Variants in PALM2AKAP2 observed in about 807,000 individuals in gnomAD.
PALM2AKAP2 encodes PALM2 and AKAP2 fusion.
PALM2AKAP2 carries 37 observed loss-of-function variants against 71.5 expected under a neutral mutation model. The observed-to-expected ratio is 0.52, with a 90% CI of 0.40 to 0.68. The LOEUF (loss-of-function observed/expected upper bound fraction) is 0.68. Among genes scored for constraint, PALM2AKAP2 ranks in the 30% least tolerant of loss-of-function variants. PALM2AKAP2 has a pLI of 0.00. For synonymous variants in PALM2AKAP2, 468 were observed against 478.8 expected, an observed-to-expected ratio of 0.98 and a Z score of 0.29; for missense variants, 1,224 against 1,191.8, an observed-to-expected ratio of 1.03 and a Z score of -0.40.
rs774321461 is a variant in PALM2AKAP2 at position 109,880,537 on chromosome 9, C to T, written c.127-14C>T. On this transcript the variant is annotated splice_polypyrimidine_tract_variant and intron_variant, in intron 2 of 9. Coordinates refer to the PALM2AKAP2 transcript ENST00000302798. ...AAGTATCATCTTGTCTGTTGTCTTC[C>T]CTCACTTCCACAGTCCAAAGTGCTT... 6.2e-6 allele frequency: 10 copies of T among 1,611,856 alleles called. No individual in the cohort carries two copies. The South Asian group carries it at 9.9e-5, about 16-fold the overall frequency.
intron 3 of PALM2AKAP2, 64 bp downstream of exon 3, chr9:109,880,745 C>T (rs1462573056): frequency 3.2e-6 from 5 of 1,570,962 alleles, no homozygotes; most frequent in Admixed American, 1.8e-5. Context: ...CACTGCTCTC[C>T]TCTAGGTGGC....
intron 6 of PALM2AKAP2, among the ~76,000 whole-genome samples, chr9:109,951,461 C>G (rs923338932): frequency 2.0e-5 from 3 of 152,226 alleles, no homozygotes; most frequent in Non-Finnish European, 4.4e-5. Flanking sequence ...AATAAACTGC[C>G]TTTTCACTGC....
intron 2 of PALM2AKAP2, among the ~76,000 whole-genome samples, chr9:110,142,106 C>G: frequency 7.6e-6 from 1 of 131,510 alleles, no homozygotes; most frequent in South Asian, 2.4e-4. Context: ...GAGTCTTGCT[C>G]TGTCTCCCAG....
At chr9:110,083,995 C>T (rs1457922059) in intron 1 of PALM2AKAP2, among the ~76,000 whole-genome samples, 1 of 152,168 alleles carries the variant, frequency 6.6e-6, no homozygotes, top group African/African-American at 2.4e-5. Flanking sequence ...TTCTAGATGC[C>T]TAGGGCGGGA....
intron 1 of PALM2AKAP2, among the ~76,000 whole-genome samples, chr9:109,803,869 T>C (rs1413392631): frequency 1.3e-5 from 2 of 152,206 alleles, no homozygotes; most frequent in African/African-American, 4.8e-5. Context: ...TTAACTGTCA[T>C]CTAAACAAAG....
intron 1 of PALM2AKAP2, among the ~76,000 whole-genome samples, chr9:109,744,196 A>C (rs1364585971): frequency 6.6e-6 from 1 of 152,192 alleles, no homozygotes; most frequent in African/African-American, 2.4e-5. Context: ...AAAAGGGAAA[A>C]AGCTATCCAT....
intron 7 of PALM2AKAP2, among the ~76,000 whole-genome samples, chr9:110,037,502 G>A (rs766252829): frequency 1.1e-4 from 17 of 152,076 alleles, no homozygotes; most frequent in Non-Finnish European, 2.2e-4. Context: ...CACCGCACCC[G>A]GCTTCAACAA....
intron 6 of PALM2AKAP2, among the ~76,000 whole-genome samples, chr9:109,983,213 C>T (rs959568876): frequency 2.0e-5 from 3 of 152,146 alleles, no homozygotes; most frequent in Non-Finnish European, 4.4e-5. Context: ...GCCTGAAAAC[C>T]TAAATTGTTT....
intron 1 of PALM2AKAP2, among the ~76,000 whole-genome samples, chr9:110,069,348 A>G (rs1373185269): frequency 6.6e-6 from 1 of 152,246 alleles, no homozygotes; most frequent in Non-Finnish European, 1.5e-5. Context: ...TTTGAAAACT[A>G]CAGATACTAA....
At chr9:110,045,905 T>C (rs1833588517), upstream of PALM2AKAP2, among the ~76,000 whole-genome samples, 1 of 152,184 alleles carries the variant, frequency 6.6e-6, no homozygotes, top group African/African-American at 2.4e-5. Flanking sequence ...CTGTGGTCTT[T>C]AGTACTGGCT....
At chr9:109,778,009 C>T (rs551222109), upstream of PALM2AKAP2, among the ~76,000 whole-genome samples, 1 of 152,222 alleles carries the variant, frequency 6.6e-6, no homozygotes, top group Non-Finnish European at 1.5e-5. Flanking sequence ...TTTTCCTTCT[C>T]CATCTCCCCA....
chr9:110,124,622 T>C (rs1835556660), intron 1 of PALM2AKAP2, among the ~76,000 whole-genome samples: 1 of 152,174 alleles, frequency 6.6e-6, no homozygotes, highest in African/African-American at 2.4e-5. Context: ...CTTAGTGTAG[T>C]GCTGGGGGCC....
chr9:110,015,396 C>T (rs546674148), intron 6 of PALM2AKAP2, among the ~76,000 whole-genome samples: 33 of 152,208 alleles, frequency 2.2e-4, no homozygotes, highest in Admixed American at 5.9e-4. Context: ...GTCAGGAGTT[C>T]GAGACCAGCC....
At position 109,724,305 on chromosome 9, in the gene PALM2AKAP2, C is replaced by T. The variant is rs576736273; in HGVS notation, c.6-56183C>T. Among the ~76,000 whole-genome samples the T allele has an allele frequency of 1.7e-4, 26 of 152,254 alleles. No homozygotes were observed. In the East Asian group the frequency reaches 2.3e-3, roughly 14 times the overall value. On this transcript the variant is annotated intron_variant, in intron 1 of 6. Coordinates refer to the PALM2AKAP2 transcript ENST00000374531. The stretch of plus-strand genomic sequence containing the variant: ...GAAGTCTCATATTGTAAAGATGTCA[C>T]GCTTCCCTAAAGTAATATATAAATG...
At chr9:109,986,200 C>T (rs756656695) in intron 6 of PALM2AKAP2, among the ~76,000 whole-genome samples, 8 of 152,118 alleles carry the variant, frequency 5.3e-5, no homozygotes, top group Non-Finnish European at 7.3e-5. Flanking sequence ...CATAGAGCTG[C>T]GTGAAAGTTT....
At chr9:110,166,998 AG>A (rs1836751855) in intron 3 of PALM2AKAP2, among the ~76,000 whole-genome samples, 2 of 152,352 alleles carry the variant, frequency 1.3e-5, no homozygotes, top group South Asian at 4.1e-4. Flanking sequence ...CAATCATGGC[AG>A]AAGGTGAAGG....
At chr9:110,004,015 T>C (rs1241217974) in intron 6 of PALM2AKAP2, among the ~76,000 whole-genome samples, 1 of 152,206 alleles carries the variant, frequency 6.6e-6, no homozygotes, top group Non-Finnish European at 1.5e-5. Flanking sequence ...AATTGGAGCA[T>C]TTAGCCCATT....
chr9:110,121,478 A>T lies in PALM2AKAP2; in HGVS notation c.157-14649A>T, dbSNP rs1029308210. On this transcript the variant is annotated intron_variant, in intron 1 of 3. Transcript: ENST00000374525. ...AAAAGCTGCCCCAGCTTCGCTAAGCACCAGGAAGCAGGGAGGGGAACCTTC... is the reference window on the plus strand; with the variant it reads ...AAAAGCTGCCCCAGCTTCGCTAAGCTCCAGGAAGCAGGGAGGGGAACCTTC... Among the ~76,000 whole-genome samples the T allele has an allele frequency of 3.3e-5, 5 of 152,284 alleles. No individual in the cohort carries two copies. In the South Asian group the frequency reaches 6.2e-4, roughly 19 times the overall value.
At chr9:109,820,759 G>C (rs746819856) in intron 1 of PALM2AKAP2, among the ~76,000 whole-genome samples, 1 of 152,160 alleles carries the variant, frequency 6.6e-6, no homozygotes, top group Non-Finnish European at 1.5e-5. Flanking sequence ...CCTAAGGAAA[G>C]CACCAAAAAG....
Sources: allele counts gnomAD v4.1 joint callset (sites outside exome capture counted in the v4.1 genomes callset), GRCh38; gene constraint gnomAD v4.1.1; transcripts MANE v1.5; gene names NCBI Gene and HGNC (gene_info 2026-07-23, HGNC 2026-07-21).